MAP4: variants seen among roughly 807,000 people sequenced by gnomAD.
MAP4 encodes the protein microtubule associated protein 4, also known as microtubule-associated protein 4.
MAP4 carries 76 observed loss-of-function variants against 170.2 expected under a neutral mutation model. The observed-to-expected ratio is 0.45, with a 90% CI of 0.37 to 0.54. The LOEUF (loss-of-function observed/expected upper bound fraction) is 0.54, where lower values mean the gene tolerates loss of function less well. Among genes scored for constraint, MAP4 ranks in the 20% least tolerant of loss-of-function variants. The pLI, the probability that MAP4 is intolerant of heterozygous loss-of-function variation, is 0.00. For missense variants in MAP4, 2,506 were observed against 2,748.0 expected, an observed-to-expected ratio of 0.91 and a Z score of 1.97; for synonymous variants, 909 against 994.5, an observed-to-expected ratio of 0.91 and a Z score of 1.62.
At chr3:48,052,044 T>G (rs917272705) in intron 1 of MAP4, among the ~76,000 whole-genome samples, 2 of 152,168 alleles carry the variant, frequency 1.3e-5, no homozygotes, top group African/African-American at 4.8e-5. Flanking sequence ...CAATAGCACC[T>G]TCCCAGTTGT....
chr3:47,929,542 A>G (rs2100048125), intron 3 of MAP4, among the ~76,000 whole-genome samples: 3 of 150,022 alleles, frequency 2.0e-5, no homozygotes, highest in Admixed American at 6.7e-5. Context: ...TACAGAAACA[A>G]TTGGACACTG....
At position 47,870,966 on chromosome 3, in the gene MAP4, A is replaced by G. The variant is rs761380149; in HGVS notation, c.6141T>C (p.Pro2047=). 1.9e-6 allele frequency: 3 copies of G among 1,614,080 alleles called. No homozygotes were observed. In the South Asian group the frequency reaches 3.3e-5, roughly 18 times the overall value. Residue 2047 remains proline, a synonymous_variant, in exon 15 of 21, where the codon CCT becomes CCC. Transcript: ENST00000683076. ...TPMPSRPSTT[P]FIDKKPTSAK... ...CCGAGGTGGGCTTCTTGTCTATGAA[A>G]GGAGTTGTGGAGGGCCGGGAGGGCA...
At chr3:47,940,236 C>T (rs2100055427) in intron 3 of MAP4, among the ~76,000 whole-genome samples, 7 of 152,134 alleles carry the variant, frequency 4.6e-5, no homozygotes, top group Admixed American at 3.9e-4. Context: ...TTCAGAATCA[C>T]CAGTCCCCCG....
chr3:47,910,186 C>A lies in MAP4; in HGVS notation c.4235G>T (p.Arg1412Ile). ...IEGMAYMDEN[R>I]NITFTCPRTP... ...TCTGGGACAGGTAAATGTAATATTT[C>A]TATTTTCGTCCATATAGGCCATTCC... The change falls in exon 9 of 21, where the codon AGA becomes ATA. Residue 1412 changes from arginine to isoleucine, a missense_variant. Arg to Ile is a moderately conservative substitution (Grantham distance 97). Transcript: ENST00000683076. 6.2e-7 allele frequency: 1 copy of A among 1,613,662 alleles called. No individual in the cohort carries two copies. Among genetic ancestry groups the A allele is most frequent in the African/African-American group, 1.3e-5 (1 of 75,040 alleles).
Position 48,061,096 on chromosome 3 carries a change from C to T in MAP4, c.-20+27677G>A, listed in dbSNP as rs371201793. On this transcript the variant is annotated intron_variant, in intron 1 of 18. Coordinates refer to the MAP4 transcript ENST00000360240. Reference sequence around the variant, plus strand: ...TCCTGACCTCGTAATCCACCCACCTCGGCCTTCCAAAGTGCTGGGATTACA... The same window carrying T: ...TCCTGACCTCGTAATCCACCCACCTTGGCCTTCCAAAGTGCTGGGATTACA... 1.2e-4 allele frequency among the ~76,000 whole-genome samples: 19 copies of T among 152,186 alleles called. 1 individual carries two copies. The highest frequency in any genetic ancestry group is 2.0e-4 in the Admixed American group (3 of 15,294).
intron 1 of MAP4, among the ~76,000 whole-genome samples, chr3:48,042,837 T>G (rs1295429905): frequency 6.6e-6 from 1 of 152,214 alleles, no homozygotes; most frequent in Non-Finnish European, 1.5e-5. Flanking sequence ...AATAAAGTCC[T>G]AATACATGCT....
intron 17 of MAP4, among the ~76,000 whole-genome samples, chr3:47,862,625 G>A (rs1460664761): frequency 1.3e-5 from 2 of 151,914 alleles, no homozygotes; most frequent in Non-Finnish European, 2.9e-5. Flanking sequence ...CTACAGGCAC[G>A]TGCCACCACG....
rs796507059 is a variant in MAP4 at position 48,061,824 on chromosome 3, A to G, written c.-20+26949T>C. Among the ~76,000 whole-genome samples the G allele has an allele frequency of 2.1e-3, 236 of 110,562 alleles. 3 individuals carry two copies. In the South Asian group the frequency reaches 0.032, roughly 15 times the overall value. 72.5% of individuals were successfully genotyped at this position (110,562 alleles called of 152,430 possible). A position where few individuals can be genotyped will look rare whatever the true frequency, so the allele number is the denominator to read the frequency against. ...CAGCCCCCACCCGGCCAGCCGCCCC[A>G]TCCGGGAGGGAGGTGGGGGGCAGCC... is the stretch of plus-strand genomic sequence containing the variant. On this transcript the variant is annotated intron_variant, in intron 1 of 18. Transcript: ENST00000360240.
intron 9 of MAP4, among the ~76,000 whole-genome samples, chr3:47,904,401 T>A (rs1230751499): frequency 1.3e-5 from 2 of 151,952 alleles, no homozygotes; most frequent in African/African-American, 4.8e-5. Context: ...CTGCAACCTC[T>A]GCCTCCTAGG....
chr3:47,863,456 G>A (rs1198239567), intron 17 of MAP4, among the ~76,000 whole-genome samples: 1 of 151,738 alleles, frequency 6.6e-6, no homozygotes, highest in African/African-American at 2.4e-5. Flanking sequence ...ACCATGTGCG[G>A]CGCCTCCTTC....
chr3:47,970,475 A>G (rs2100077965), intron 3 of MAP4, among the ~76,000 whole-genome samples: 1 of 151,642 alleles, frequency 6.6e-6, no homozygotes, highest in Non-Finnish European at 1.5e-5. Flanking sequence ...GGGGAACAAG[A>G]GCAAAACTCC....
intron 9 of MAP4, among the ~76,000 whole-genome samples, chr3:47,903,699 C>T (rs1479463409): frequency 6.6e-6 from 1 of 152,230 alleles, no homozygotes; most frequent in Admixed American, 6.5e-5. Context: ...GTAGAGCAAA[C>T]AGTAAGCTGG....
chr3:47,863,937 T>TGTGGGGG (rs374208589), intron 17 of MAP4, among the ~76,000 whole-genome samples: 1 of 138,354 alleles, frequency 7.2e-6, no homozygotes, highest in African/African-American at 2.7e-5. Flanking sequence ...TGTGTGTGTG[T>TGTGGGGG]GGGGAGTGGT....
intron 2 of MAP4, among the ~76,000 whole-genome samples, chr3:47,990,928 G>A (rs1460450836): frequency 6.6e-6 from 1 of 152,102 alleles, no homozygotes; most frequent in East Asian, 1.9e-4. Context: ...AAGGTGATAG[G>A]CATTTTAGAA....
chr3:47,884,966 T>C (rs1281481449), intron 10 of MAP4, among the ~76,000 whole-genome samples: 1 of 151,938 alleles, frequency 6.6e-6, no homozygotes, highest in Admixed American at 6.6e-5. Flanking sequence ...TTCTGCTGAG[T>C]ATGGAGTGGA....
At chr3:47,869,760 T>C (rs1312344943) in intron 15 of MAP4, among the ~76,000 whole-genome samples, 1 of 151,978 alleles carries the variant, frequency 6.6e-6, no homozygotes, top group Non-Finnish European at 1.5e-5. Flanking sequence ...TCTTTAGGTA[T>C]GTTGAAGCAG....
At chr3:48,040,915 G>A (rs1001527465) in intron 1 of MAP4, among the ~76,000 whole-genome samples, 14 of 151,682 alleles carry the variant, frequency 9.2e-5, no homozygotes, top group Admixed American at 1.3e-4. Flanking sequence ...TAGCCAGGCT[G>A]GTCTTGAACC....
intron 9 of MAP4, among the ~76,000 whole-genome samples, chr3:47,903,491 C>T (rs2153397469): frequency 6.6e-6 from 1 of 151,608 alleles, no homozygotes; most frequent in South Asian, 2.1e-4. Flanking sequence ...CGAGATCGCG[C>T]CACTGCACTC....
chr3:48,056,106 G>A (rs1215901625), intron 1 of MAP4, among the ~76,000 whole-genome samples: 3 of 148,328 alleles, frequency 2.0e-5, no homozygotes, highest in East Asian at 2.0e-4. Flanking sequence ...CCGTCCGGGA[G>A]GGAGGTGGGG....
Sources: allele counts gnomAD v4.1 joint callset (sites outside exome capture counted in the v4.1 genomes callset), GRCh38; gene constraint gnomAD v4.1.1; transcripts MANE v1.5; gene names NCBI Gene and HGNC (gene_info 2026-07-23, HGNC 2026-07-21).